MAP2K4: variants seen among roughly 807,000 people sequenced by gnomAD.
The protein encoded by MAP2K4 is dual specificity mitogen-activated protein kinase kinase 4.
MAP2K4 carries 4 observed loss-of-function variants against 48.5 expected under a neutral mutation model. The ratio of observed to expected loss-of-function variants is 0.08; its 90% CI spans 0.04 to 0.19. The LOEUF (loss-of-function observed/expected upper bound fraction) is 0.19. Among genes scored for constraint, MAP2K4 ranks in the 10% least tolerant of loss-of-function variants. MAP2K4 has a pLI of 1.00. For missense variants in MAP2K4, 258 were observed against 493.3 expected (o/e 0.52, Z 4.52); for synonymous variants, 166 against 173.1 (o/e 0.96, Z 0.32).
At chr17:12,118,681 G>T (rs1026870398) in intron 7 of MAP2K4, among the ~76,000 whole-genome samples, 1 of 152,220 alleles carries the variant, frequency 6.6e-6, no homozygotes, top group Admixed American at 6.5e-5. Context: ...TTAGATCAGT[G>T]AAGGGTAAAT....
intron 1 of MAP2K4, among the ~76,000 whole-genome samples, chr17:12,033,303 A>T (rs1474200959): frequency 6.6e-6 from 1 of 152,124 alleles, no homozygotes; most frequent in East Asian, 1.9e-4. Context: ...TGATGCTTTG[A>T]TATGTGTCAT....
chr17:12,102,143 T>C (rs1234880356), intron 4 of MAP2K4, among the ~76,000 whole-genome samples: 2 of 152,122 alleles, frequency 1.3e-5, no homozygotes, highest in Non-Finnish European at 2.9e-5. Flanking sequence ...TGTGGACTTT[T>C]CATATATATA....
At chr17:12,128,599 G>A (rs557439217) in intron 8 of MAP2K4, among the ~76,000 whole-genome samples, 13 of 152,242 alleles carry the variant, frequency 8.5e-5, no homozygotes, top group East Asian at 1.9e-4. Flanking sequence ...TTCACTACTT[G>A]TAAAATCTGG....
At chr17:12,060,724 A>G (rs1398260098) in intron 2 of MAP2K4, among the ~76,000 whole-genome samples, 1 of 141,004 alleles carries the variant, frequency 7.1e-6, no homozygotes, top group African/African-American at 2.5e-5. Context: ...GTTAAATACT[A>G]TGGGGTGTGT....
chr17:12,056,083 A>G (rs1382423686), intron 2 of MAP2K4, among the ~76,000 whole-genome samples: 1 of 152,074 alleles, frequency 6.6e-6, no homozygotes, highest in African/African-American at 2.4e-5. Flanking sequence ...AACAATTCTT[A>G]AAAGAACCTC....
chr17:12,032,868 C>G (rs1218811713), intron 1 of MAP2K4, among the ~76,000 whole-genome samples: 1 of 152,108 alleles, frequency 6.6e-6, no homozygotes, highest in African/African-American at 2.4e-5. Context: ...GAGACAGGGT[C>G]CCACTCTGTT....
chr17:12,048,243 T>A (rs1481071885), intron 1 of MAP2K4, among the ~76,000 whole-genome samples: 1 of 152,256 alleles, frequency 6.6e-6, no homozygotes, highest in Non-Finnish European at 1.5e-5. Flanking sequence ...CCTTATCTAT[T>A]GTTCATCTCC....
intron 7 of MAP2K4, among the ~76,000 whole-genome samples, chr17:12,116,440 ATAAAT>A (rs1214320001): frequency 6.7e-6 from 1 of 150,136 alleles, no homozygotes; most frequent in Non-Finnish European, 1.5e-5. Context: ...TTCTTCAGTA[ATAAAT>A]TAACCTGAGT....
chr17:12,138,128 C>G (rs899521171), intron 9 of MAP2K4, among the ~76,000 whole-genome samples: 1 of 152,096 alleles, frequency 6.6e-6, no homozygotes, highest in African/African-American at 2.4e-5. Context: ...AAGTTTTAGA[C>G]TCAGACACTC....
intron 1 of MAP2K4, among the ~76,000 whole-genome samples, chr17:12,045,677 G>T (rs1969938865): frequency 6.6e-6 from 1 of 152,194 alleles, no homozygotes; most frequent in South Asian, 2.1e-4. Flanking sequence ...AAACTTTGGG[G>T]TGCTCATGAG....
At chr17:12,101,208 C>T (rs1362700795) in intron 4 of MAP2K4, among the ~76,000 whole-genome samples, 3 of 151,946 alleles carry the variant, frequency 2.0e-5, no homozygotes, top group Non-Finnish European at 2.9e-5. Context: ...TTATACTTAT[C>T]CATTTGGAGT....
At chr17:12,134,686 G>T (rs964590727) in intron 9 of MAP2K4, among the ~76,000 whole-genome samples, 1 of 152,206 alleles carries the variant, frequency 6.6e-6, no homozygotes, top group Admixed American at 6.5e-5. Flanking sequence ...GTAGAGGGAA[G>T]CCACATCTAG....
intron 7 of MAP2K4, chr17:12,124,531 C>G (rs1325487825): frequency 6.6e-6 from 1 of 152,018 alleles, no homozygotes; most frequent in African/African-American, 2.4e-5. Flanking sequence ...AAATTTAGCT[C>G]TTGTTTTGCT....
intron 1 of MAP2K4, among the ~76,000 whole-genome samples, chr17:12,029,504 T>C (rs754119461): frequency 3.3e-5 from 5 of 151,880 alleles, no homozygotes; most frequent in Non-Finnish European, 5.9e-5. Flanking sequence ...CACCCAGATA[T>C]AAAAAAGTGA....
At chr17:12,090,119 G>T (rs1324303320) in intron 3 of MAP2K4, among the ~76,000 whole-genome samples, 5 of 152,080 alleles carry the variant, frequency 3.3e-5, no homozygotes. Context: ...TTTTACTCTT[G>T]AGTCTTTTGA....
Position 12,139,881 on chromosome 17 carries a change from T to C in MAP2K4, c.1083T>C (p.Leu361=). The C allele has an allele frequency of 6.2e-7, 1 of 1,606,016 alleles. No individual in the cohort carries two copies. Among genetic ancestry groups the C allele is most frequent in the Non-Finnish European group, 8.5e-7 (1 of 1,175,040 alleles). ...CCAAAAGGCCAAAGTATAAAGAGCT[T>C]CTGGTGAGTGTGGGACTGTGGGGAT... ...DESKRPKYKE[L]LKHPFILMYE... is the part of the protein sequence containing the mutation. The change falls in exon 10 of 11, where the codon CTT becomes CTC. Residue 361 remains leucine, a synonymous_variant. Coordinates refer to ENST00000353533, the MANE Select transcript of MAP2K4 (RefSeq NM_003010.4).
chr17:12,064,087 G>A (rs903832767), intron 2 of MAP2K4, among the ~76,000 whole-genome samples: 21 of 151,704 alleles, frequency 1.4e-4, no homozygotes, highest in African/African-American at 3.9e-4. Flanking sequence ...ATATATATCT[G>A]ACAAAGGACT....
intron 9 of MAP2K4, among the ~76,000 whole-genome samples, chr17:12,132,744 A>G (rs1355056090): frequency 6.8e-6 from 1 of 147,752 alleles, no homozygotes; most frequent in African/African-American, 2.4e-5. Context: ...TATAGGTTTG[A>G]AAAAGGAAAG....
At chr17:12,106,406 T>C (rs921848359) in intron 4 of MAP2K4, among the ~76,000 whole-genome samples, 8 of 152,134 alleles carry the variant, frequency 5.3e-5, no homozygotes, top group Non-Finnish European at 1.5e-5. Context: ...ACAAAAACAT[T>C]ATGTATAGCC....
Sources: gnomAD v4.1 joint callset for allele counts (sites outside exome capture counted in the v4.1 genomes callset) on GRCh38, gnomAD v4.1.1 for gene constraint, MANE v1.5 for transcripts, NCBI Gene and HGNC (gene_info 2026-07-23, HGNC 2026-07-21) for gene names.